The following NGLY1 variants were observed in gnomAD, a reference collection of about 807,000 sequenced individuals.
NGLY1 encodes N-glycanase 1.
Under a neutral mutation model 84.6 loss-of-function variants are expected in NGLY1, and 68 were observed. That is an observed-to-expected ratio of 0.80 (90% CI 0.66 to 0.98). NGLY1 has a LOEUF of 0.98. Ranked by LOEUF, NGLY1 falls within the 50% of genes least tolerant of loss-of-function variation. The pLI, the probability that NGLY1 is intolerant of heterozygous loss-of-function variation, is 0.00. For synonymous variants in NGLY1, 280 were observed against 275.2 expected, an observed-to-expected ratio of 1.02 and a Z score of -0.17; for missense variants, 779 against 770.2, an observed-to-expected ratio of 1.01 and a Z score of -0.14.
chr3:25,721,107 T>C (rs1704965983), intron 10 of NGLY1, among the ~76,000 whole-genome samples: 1 of 152,238 alleles, frequency 6.6e-6, no homozygotes, highest in South Asian at 2.1e-4. Context: ...TGTATTATTT[T>C]AGACACAGGG....
chr3:25,743,855 C>A (rs796888734), intron 4 of NGLY1, among the ~76,000 whole-genome samples: 2 of 152,202 alleles, frequency 1.3e-5, no homozygotes, highest in African/African-American at 4.8e-5. Flanking sequence ...AACAGTAACA[C>A]CCAATTAAGG....
intron 2 of NGLY1, 84 bp from the exon 3 acceptor site, chr3:25,764,395 T>C (rs1418085106): frequency 9.4e-6 from 13 of 1,379,428 alleles, no homozygotes; most frequent in Admixed American, 6.5e-5. Flanking sequence ...AAATGTATAA[T>C]GAAACCAATA....
intron 2 of NGLY1, among the ~76,000 whole-genome samples, chr3:25,768,828 C>A (rs1228174764): frequency 2.0e-5 from 3 of 151,674 alleles, no homozygotes; most frequent in African/African-American, 7.3e-5. Flanking sequence ...AGGCGTGAGC[C>A]ACGGCGCCTG....
At chr3:25,775,577 G>A (rs1454926028) in intron 2 of NGLY1, among the ~76,000 whole-genome samples, 1 of 152,038 alleles carries the variant, frequency 6.6e-6, no homozygotes, top group Non-Finnish European at 1.5e-5. Flanking sequence ...TCATATGTGG[G>A]AGCTAAAACA....
upstream of NGLY1, among the ~76,000 whole-genome samples, chr3:25,785,368 T>C (rs1057238830): frequency 6.6e-6 from 1 of 151,994 alleles, no homozygotes; most frequent in Admixed American, 6.6e-5. Context: ...ACACAATGGA[T>C]TGGGGGCTTG....
At chr3:25,751,456 A>T (rs983058469) in intron 3 of NGLY1, among the ~76,000 whole-genome samples, 193 bp from the exon 4 acceptor site, 10 of 152,218 alleles carry the variant, frequency 6.6e-5, no homozygotes, top group African/African-American at 2.4e-4. Context: ...AGAGCCTAAG[A>T]TCTATCTATT....
chr3:25,720,207 A>C lies in NGLY1; in HGVS notation c.1612-16T>G. 1 of 1,594,468 alleles carries C rather than the reference A, an allele frequency of 6.3e-7. No individual in the cohort carries two copies. The highest frequency in any genetic ancestry group is 2.2e-5 in the East Asian group (1 of 44,720). On this transcript the variant is annotated splice_polypyrimidine_tract_variant and intron_variant, in intron 10 of 11. Coordinates refer to ENST00000280700, the MANE Select transcript of NGLY1 (RefSeq NM_018297.4). ...CCAAATATACCTATAAGGAGTAGGG[A>C]TGGGGAGAAAGGAACTGTCAGAAAA...
chr3:25,775,722 G>A (rs979638325), intron 2 of NGLY1, among the ~76,000 whole-genome samples: 1 of 152,200 alleles, frequency 6.6e-6, no homozygotes, highest in Non-Finnish European at 1.5e-5. Flanking sequence ...AATAGAAAGA[G>A]ATTGGTTAAT....
At chr3:25,786,989 A>G (rs550024999), upstream of NGLY1, among the ~76,000 whole-genome samples, 5 of 152,244 alleles carry the variant, frequency 3.3e-5, no homozygotes. Flanking sequence ...CATAGAAGTC[A>G]TAAGTTTAGA....
At chr3:25,757,806 T>G (rs1378334709) in intron 3 of NGLY1, among the ~76,000 whole-genome samples, 2 of 152,176 alleles carry the variant, frequency 1.3e-5, no homozygotes, top group Non-Finnish European at 2.9e-5. Flanking sequence ...GTAAAACAAT[T>G]AAGTTATAAT....
intron 10 of NGLY1, among the ~76,000 whole-genome samples, chr3:25,724,761 A>G (rs1376343061): frequency 1.3e-5 from 2 of 152,036 alleles, no homozygotes; most frequent in Admixed American, 1.3e-4. Context: ...CTCCCCTTCC[A>G]TATCCTGTCC....
chr3:25,734,204 T>G (rs1287785939), intron 7 of NGLY1: 1 of 446,864 alleles, frequency 2.2e-6, no homozygotes, highest in East Asian at 4.3e-5. Flanking sequence ...TAGCTGGGAC[T>G]ATAGGCATGC....
chr3:25,758,925 T>A (rs1243239736), intron 3 of NGLY1, among the ~76,000 whole-genome samples: 2 of 152,234 alleles, frequency 1.3e-5, no homozygotes, highest in African/African-American at 4.8e-5. Flanking sequence ...AACATTAACC[T>A]GCTTGTTAAA....
At chr3:25,746,536 T>C (rs900652000) in intron 4 of NGLY1, among the ~76,000 whole-genome samples, 2 of 152,236 alleles carry the variant, frequency 1.3e-5, no homozygotes, top group Non-Finnish European at 2.9e-5. Context: ...GAGCAAATGT[T>C]AGCAGGGAAC....
Position 25,783,090 on chromosome 3 carries a change from G to A in NGLY1, c.131+170C>T, listed in dbSNP as rs772012950. ...GGGGTGGGACTTGGCCGGGTCCCGA[G>A]GCCCCTGGCCGGCGGGCTCGGACGT... On this transcript the variant is annotated intron_variant, in intron 1 of 11. Coordinates refer to ENST00000280700, the MANE Select transcript of NGLY1 (RefSeq NM_018297.4). The surrounding 1 kb of genome is among the most constrained non-coding windows in gnomAD (Gnocchi z 4.5). 3.4e-6 allele frequency: 2 copies of A among 593,350 alleles called. No individual in the cohort carries two copies. Among genetic ancestry groups the A allele is most frequent in the African/African-American group, 2.0e-5 (1 of 50,034 alleles). 36.8% of individuals were successfully genotyped at this position (593,350 alleles called of 1,614,324 possible).
rs752766144 is a variant in NGLY1, at chr3:25,729,338, T to C, written c.1426-20A>G. 4 of 1,319,270 alleles carry C rather than the reference T, an allele frequency of 3.0e-6. No individual in the cohort carries two copies. The African/African-American group carries it at 4.5e-5, about 15-fold the overall frequency. The allele number at this position is 1,319,270 out of a possible 1,614,324, so 81.7% of individuals were successfully genotyped here. A position where few individuals can be genotyped will look rare whatever the true frequency, so the allele number is the denominator to read the frequency against. ...TTTTCTCTTAAAAAGAAAGCAGAATTAGTTTTTCAACATTATGAAAGATGT... is the reference window on the plus strand; with the variant it reads ...TTTTCTCTTAAAAAGAAAGCAGAATCAGTTTTTCAACATTATGAAAGATGT... On this transcript the variant is annotated intron_variant, in intron 9 of 11. Transcript: ENST00000280700.
chr3:25,757,064 T>G (rs113073744), intron 3 of NGLY1, among the ~76,000 whole-genome samples: 3 of 152,306 alleles, frequency 2.0e-5, no homozygotes, highest in African/African-American at 7.2e-5. Context: ...TAGCCAAGGA[T>G]CCTCAAAACA....
Position 25,729,327 on chromosome 3 carries a change from G to A in NGLY1, c.1426-9C>T. The A allele has an allele frequency of 7.4e-7, 1 of 1,351,882 alleles. No individual in the cohort carries two copies. The highest frequency in any genetic ancestry group is 9.6e-7 in the Non-Finnish European group (1 of 1,036,816). The allele number at this position is 1,351,882 out of a possible 1,614,324, so 83.7% of individuals were successfully genotyped here. A position where few individuals can be genotyped will look rare whatever the true frequency, so the allele number is the denominator to read the frequency against. ...AACAAGGTTTCTTTTCTCTTAAAAA[G>A]AAAGCAGAATTAGTTTTTCAACATT... On this transcript the variant is annotated splice_polypyrimidine_tract_variant and intron_variant, in intron 9 of 11. Coordinates refer to ENST00000280700, the MANE Select transcript of NGLY1 (RefSeq NM_018297.4).
At chr3:25,719,925 C>T (rs141779196) in intron 11 of NGLY1, 89 bp downstream of exon 11, 43 of 1,172,446 alleles carry the variant, frequency 3.7e-5, no homozygotes, top group South Asian at 2.6e-4. Flanking sequence ...CTCTTAGGTA[C>T]GAAAAAGAGC....
Sources: allele counts gnomAD v4.1 joint callset (sites outside exome capture counted in the v4.1 genomes callset), GRCh38; gene constraint gnomAD v4.1.1; non-coding constraint Gnocchi (gnomAD v3.1); transcripts MANE v1.5; gene names NCBI Gene and HGNC (gene_info 2026-07-23, HGNC 2026-07-21).